The following RINT1 variants were observed in gnomAD, a reference collection of about 807,000 sequenced individuals.
The protein encoded by RINT1 is RAD50-interacting protein 1.
In RINT1, 75 loss-of-function variants were observed where a neutral mutation model predicts 97.7. The ratio of observed to expected loss-of-function variants is 0.77; its 90% CI spans 0.64 to 0.93. The LOEUF (loss-of-function observed/expected upper bound fraction) is 0.93, where lower values mean the gene tolerates loss of function less well. Ranked by LOEUF, RINT1 falls within the 40% of genes least tolerant of loss-of-function variation. RINT1 has a pLI of 0.00. For synonymous variants in RINT1, 303 were observed against 326.3 expected (o/e 0.93, Z 0.77); for missense variants, 892 against 925.2 (o/e 0.96, Z 0.47).
Position 105,563,739 on chromosome 7 carries a change from C to T in RINT1, c.1678C>T (p.Leu560=). Residue 560 remains leucine (L), a synonymous_variant, in exon 12 of 15, where the codon CTA becomes TTA. Transcript: ENST00000257700. ...LADWADNVFF[L]QLQQAALEVF... is the part of the protein sequence containing the mutation. The stretch of plus-strand genomic sequence containing the variant: ...AACATGTTTTTGCTTTCAGTTCTTT[C>T]TACAACTTCAACAGGCTGCACTGGA... 2 of 1,611,316 alleles carry T rather than the reference C, an allele frequency of 1.2e-6. No homozygotes were observed. Among genetic ancestry groups the T allele is most frequent in the Non-Finnish European group, 1.7e-6 (2 of 1,178,868 alleles).
intron 11 of RINT1, among the ~76,000 whole-genome samples, chr7:105,557,375 G>GA (rs1207888343): frequency 6.6e-6 from 1 of 151,898 alleles, no homozygotes; most frequent in Non-Finnish European, 1.5e-5. Context: ...GTATAACAGG[G>GA]AAAAACACAA....
At chr7:105,559,115 C>T (rs1179958628) in intron 11 of RINT1, among the ~76,000 whole-genome samples, 2 of 152,016 alleles carry the variant, frequency 1.3e-5, no homozygotes, top group African/African-American at 4.8e-5. Flanking sequence ...GCAAATCTGG[C>T]CGGGTGTGGT....
intron 7 of RINT1, 102 bp downstream of exon 7, chr7:105,548,812 C>CT: frequency 8.6e-7 from 1 of 1,162,926 alleles, no homozygotes; most frequent in East Asian, 2.4e-5. Context: ...CTTCACATTT[C>CT]TGTTTTTTTT....
intron 3 of RINT1, 42 bp from the exon 4 acceptor site, chr7:105,542,366 G>C: frequency 6.9e-7 from 1 of 1,441,574 alleles, no homozygotes; most frequent in Non-Finnish European, 9.6e-7. Context: ...TTATCTGATT[G>C]CTGCTGTTCT....
intron 4 of RINT1, among the ~76,000 whole-genome samples, chr7:105,545,114 C>T (rs1344688182): frequency 6.6e-6 from 1 of 151,974 alleles, no homozygotes; most frequent in Non-Finnish European, 1.5e-5. Context: ...AAATGTCATT[C>T]ATACTTTAGT....
At chr7:105,538,141 C>T (rs952353413) in intron 3 of RINT1, among the ~76,000 whole-genome samples, 16 of 151,710 alleles carry the variant, frequency 1.1e-4, no homozygotes, top group African/African-American at 3.4e-4. Context: ...TACAGGCACG[C>T]GACACCACGC....
chr7:105,563,205 G>A (rs185145485), intron 11 of RINT1, among the ~76,000 whole-genome samples: 12 of 152,272 alleles, frequency 7.9e-5, no homozygotes, highest in African/African-American at 2.2e-4. Flanking sequence ...TCCAGAACAG[G>A]CAAATCCATT....
At chr7:105,546,349 G>A (rs1024515878) in intron 4 of RINT1, among the ~76,000 whole-genome samples, 65 of 152,058 alleles carry the variant, frequency 4.3e-4, no homozygotes, top group African/African-American at 1.4e-3. Flanking sequence ...GAAAGGTCCC[G>A]GGAGAGGTCT....
At chr7:105,552,265 TA>T (rs1790960937) in intron 10 of RINT1, among the ~76,000 whole-genome samples, 1 of 152,190 alleles carries the variant, frequency 6.6e-6, no homozygotes, top group Non-Finnish European at 1.5e-5. Context: ...AATAGGAATT[TA>T]ATTTTATTAT....
intron 4 of RINT1, among the ~76,000 whole-genome samples, chr7:105,545,289 TAA>T (rs946176902): frequency 1.4e-5 from 2 of 142,948 alleles, no homozygotes; most frequent in Non-Finnish European, 1.5e-5. Flanking sequence ...CATCTCTGTT[TAA>T]AAAAAAAAAA....
intron 10 of RINT1, among the ~76,000 whole-genome samples, chr7:105,552,024 C>T (rs1302309424): frequency 6.6e-6 from 1 of 152,022 alleles, no homozygotes; most frequent in East Asian, 1.9e-4. Context: ...GCCATGATCA[C>T]GCCACTGCAG....
intron 3 of RINT1, among the ~76,000 whole-genome samples, chr7:105,540,301 C>T (rs183790153): frequency 1.8e-4 from 27 of 152,008 alleles, no homozygotes; most frequent in East Asian, 1.7e-3. Flanking sequence ...CTCACTCTGT[C>T]GCCCAGGCTG....
At chr7:105,540,833 G>GT (rs1790424431) in intron 3 of RINT1, among the ~76,000 whole-genome samples, 1 of 139,616 alleles carries the variant, frequency 7.2e-6, no homozygotes, top group African/African-American at 2.7e-5. Flanking sequence ...TGAGATCTTT[G>GT]TTTCCTTTTT....
chr7:105,542,224 ACTGG>A, intron 3 of RINT1, 180 bp from the exon 4 acceptor site: 1 of 579,290 alleles, frequency 1.7e-6, no homozygotes, highest in Non-Finnish European at 3.0e-6. Flanking sequence ...AGTCCCAACT[ACTGG>A]GGAGGTTGAG....
At chr7:105,554,262 T>G (rs1319925801) in intron 10 of RINT1, among the ~76,000 whole-genome samples, 1 of 152,008 alleles carries the variant, frequency 6.6e-6, no homozygotes, top group Non-Finnish European at 1.5e-5. Flanking sequence ...CTTGATCTCC[T>G]GACCTCGTGA....
At chr7:105,561,404 T>C (rs898344957) in intron 11 of RINT1, among the ~76,000 whole-genome samples, 5 of 151,968 alleles carry the variant, frequency 3.3e-5, no homozygotes, top group African/African-American at 9.7e-5. Flanking sequence ...GGTGCTCGCC[T>C]GTAGTCCCAG....
chr7:105,551,407 C>A (rs1166950390), intron 9 of RINT1, among the ~76,000 whole-genome samples, 163 bp from the exon 10 acceptor site: 2 of 152,088 alleles, frequency 1.3e-5, no homozygotes, highest in Non-Finnish European at 2.9e-5. Context: ...AGTAAAGTAT[C>A]CTGTTTAAAG....
At position 105,554,839 on chromosome 7, in the gene RINT1, C is replaced by T. The variant is rs1366201740; in HGVS notation, c.1472-189C>T. ...ATGTGCAGATCTTATTTGTATTGTT[C>T]AATGAGTTTTGGCAAATGTATATAC... is the stretch of plus-strand genomic sequence containing the variant. On this transcript the variant is annotated intron_variant, in intron 10 of 14. Coordinates refer to ENST00000257700, the MANE Select transcript of RINT1 (RefSeq NM_021930.6). Among the ~76,000 whole-genome samples, 8 of 152,222 alleles carry T rather than the reference C, an allele frequency of 5.3e-5. No homozygotes were observed. In the East Asian group the frequency reaches 1.3e-3, roughly 26 times the overall value.
chr7:105,540,037 C>T (rs1322263066), intron 3 of RINT1, among the ~76,000 whole-genome samples: 1 of 151,660 alleles, frequency 6.6e-6, no homozygotes, highest in Non-Finnish European at 1.5e-5. Context: ...TATATGTTTT[C>T]CCACATACTA....
Sources: allele counts gnomAD v4.1 joint callset (sites outside exome capture counted in the v4.1 genomes callset), GRCh38; gene constraint gnomAD v4.1.1; transcripts MANE v1.5; gene names NCBI Gene and HGNC (gene_info 2026-07-23, HGNC 2026-07-21).